Variants in TRPM1 observed in about 807,000 individuals in gnomAD.
TRPM1 encodes the protein transient receptor potential cation channel subfamily M member 1, also known as TRPM1-203 APA Isoform, Intron 10.
TRPM1 carries 113 observed loss-of-function variants against 149.4 expected under a neutral mutation model. The ratio of observed to expected loss-of-function variants is 0.76; its 90% confidence interval spans 0.65 to 0.88. TRPM1 has a LOEUF of 0.88. TRPM1 is among the 40% of genes least tolerant of loss of function. TRPM1 has a pLI of 0.00. For missense variants in TRPM1, 1,976 were observed against 2,038.7 expected (o/e 0.97, Z 0.59); for synonymous variants, 741 against 759.5 (o/e 0.98, Z 0.40).
In TRPM1 at chr15:31,042,380, C is replaced by T. The variant is rs567299421; in HGVS notation, c.1795-137G>A. On this transcript the variant is annotated intron_variant, in intron 16 of 27. Transcript: ENST00000256552. The stretch of plus-strand genomic sequence containing the variant: ...TGAAGTACATCTTACATTTCCACTC[C>T]GCATATGAATTCTTTTGAAAAGATG... 1.2e-4 allele frequency: 106 copies of T among 866,604 alleles called. No homozygotes were observed. The Admixed American group carries it at 1.3e-3, about 11-fold the overall frequency. 53.7% of individuals were successfully genotyped at this position (866,604 alleles called of 1,614,324 possible). A position where few individuals can be genotyped will look rare whatever the true frequency, so the allele number is the denominator to read the frequency against.
intron 1 of TRPM1, among the ~76,000 whole-genome samples, chr15:31,139,048 G>A (rs1312073676): frequency 1.3e-5 from 2 of 152,092 alleles, no homozygotes; most frequent in African/African-American, 4.8e-5. Flanking sequence ...AGACTCAAGT[G>A]CACTTCTTAC....
At chr15:31,054,948 C>A (rs748020767) in intron 11 of TRPM1, among the ~76,000 whole-genome samples, 10 of 152,190 alleles carry the variant, frequency 6.6e-5, no homozygotes, top group Non-Finnish European at 1.5e-4. Context: ...CACATCCTAG[C>A]TTCTGATAAC....
chr15:31,002,218 G>C lies in TRPM1; in HGVS notation c.4482C>G (p.Cys1494Trp), dbSNP rs1303595160. 6.2e-7 allele frequency: 1 copy of C among 1,614,212 alleles called. No homozygotes were observed. The highest frequency in any genetic ancestry group is 1.3e-5 in the African/African-American group (1 of 75,048). The change falls in exon 28 of 28, where the codon TGC (cysteine) becomes TGG (tryptophan). Residue 1494 changes from cysteine (C) to tryptophan (W), a missense_variant. Coordinates refer to ENST00000256552, the MANE Select transcript of TRPM1 (RefSeq NM_001252024.2). ...GAGAGCGCGTGATCTTTTGAACTTG[G>C]CATTGCCATTCCGTCGTCAATTGCT... ...TDQQLTTEWQ[C>W]QVQKITRSHS...
chr15:31,081,743 C>T (rs1386704226), intron 1 of TRPM1, among the ~76,000 whole-genome samples: 3 of 152,152 alleles, frequency 2.0e-5, no homozygotes, highest in Non-Finnish European at 4.4e-5. Flanking sequence ...CTCAACATCT[C>T]CTAATGACTC....
chr15:31,088,751 C>G (rs960383528), intron 1 of TRPM1, among the ~76,000 whole-genome samples: 4 of 149,456 alleles, frequency 2.7e-5, no homozygotes, highest in African/African-American at 9.8e-5. Context: ...TTCCTGCTAC[C>G]TGTGGGAACG....
rs537212137 is a variant in TRPM1, at chr15:31,047,666, C to T, written c.1623+223G>A. On this transcript the variant is annotated intron_variant, in intron 14 of 27. Transcript: ENST00000256552. ...CTGGCGCTGGCGTCAACCTATAATC[C>T]GGCTGTCACTGACAGTGTCCCTATC... Among the ~76,000 whole-genome samples the T allele has an allele frequency of 8.7e-4, 133 of 152,308 alleles. 1 individual carries two copies. The highest frequency in any genetic ancestry group is 3.2e-3 in the African/African-American group (131 of 41,566).
intron 1 of TRPM1, among the ~76,000 whole-genome samples, chr15:31,148,144 T>A (rs2036246830): frequency 6.6e-6 from 1 of 152,158 alleles, no homozygotes. Context: ...AATGTGTCCT[T>A]GTGGGGAATG....
intron 25 of TRPM1, among the ~76,000 whole-genome samples, chr15:31,027,367 C>T (rs2032822789): frequency 6.6e-6 from 1 of 152,216 alleles, no homozygotes. Flanking sequence ...TGAAAAACCA[C>T]ACCACAATCT....
intron 1 of TRPM1, among the ~76,000 whole-genome samples, chr15:31,123,890 G>T (rs1007134052): frequency 7.9e-6 from 1 of 126,122 alleles, no homozygotes; most frequent in Non-Finnish European, 1.7e-5. Flanking sequence ...GCACACAAAT[G>T]TCTATGACAG....
intron 1 of TRPM1, among the ~76,000 whole-genome samples, chr15:31,132,851 C>T (rs1431222538): frequency 3.3e-5 from 5 of 152,176 alleles, no homozygotes; most frequent in African/African-American, 1.2e-4. Flanking sequence ...AGGGCAGTTC[C>T]CCTGCACTCT....
chr15:31,106,297 C>T (rs1476158062), upstream of TRPM1, among the ~76,000 whole-genome samples: 1 of 146,776 alleles, frequency 6.8e-6, no homozygotes, highest in Non-Finnish European at 1.5e-5. Context: ...TGCCACCATG[C>T]CTGGCTAATT....
chr15:31,121,007 T>C (rs1186183182), intron 1 of TRPM1, among the ~76,000 whole-genome samples: 2 of 151,976 alleles, frequency 1.3e-5, no homozygotes, highest in Non-Finnish European at 2.9e-5. Context: ...GGTGGGCAGA[T>C]CACGAGGTCA....
chr15:31,023,937 CATTAGG>C (rs2032632921), intron 27 of TRPM1, among the ~76,000 whole-genome samples: 2 of 152,076 alleles, frequency 1.3e-5, no homozygotes, highest in African/African-American at 4.8e-5. Context: ...AATTTCCAAA[CATTAGG>C]AGAGAACCAT....
chr15:31,036,000 G>A (rs1254860906), intron 20 of TRPM1: 1 of 394,452 alleles, frequency 2.5e-6, no homozygotes, highest in Non-Finnish European at 4.8e-6. Flanking sequence ...TAGTTTGCTG[G>A]AGTGTCTTCT....
chr15:31,099,561 C>T (rs2035468533), intron 1 of TRPM1, among the ~76,000 whole-genome samples: 1 of 152,160 alleles, frequency 6.6e-6, no homozygotes, highest in Non-Finnish European at 1.5e-5. Flanking sequence ...GAAGATGACT[C>T]GCATCTTAAA....
intron 1 of TRPM1, 73 bp from the exon 2 acceptor site, chr15:31,081,511 T>A (rs527994834): frequency 1.4e-5 from 14 of 978,926 alleles, no homozygotes; most frequent in South Asian, 6.3e-5. Context: ...GATGAACAAA[T>A]CCTGCCCTCC....
intron 22 of TRPM1, among the ~76,000 whole-genome samples, chr15:31,031,955 C>G (rs763198150): frequency 6.6e-6 from 1 of 151,450 alleles, no homozygotes; most frequent in African/African-American, 2.4e-5. Flanking sequence ...GCCCTGGGCT[C>G]CCTTTGTCTC....
At chr15:31,117,425 G>T (rs1232640259) in intron 1 of TRPM1, among the ~76,000 whole-genome samples, 1 of 152,140 alleles carries the variant, frequency 6.6e-6, no homozygotes, top group African/African-American at 2.4e-5. Flanking sequence ...GGCAGAGGTT[G>T]CAGAGACCCG....
chr15:31,143,794 A>G (rs2036189447), intron 1 of TRPM1, among the ~76,000 whole-genome samples: 1 of 151,980 alleles, frequency 6.6e-6, no homozygotes, highest in Non-Finnish European at 1.5e-5. Context: ...TGTGAAGCAT[A>G]CTTTTGTAAA....
Sources: allele counts gnomAD v4.1 joint callset (sites outside exome capture counted in the v4.1 genomes callset), GRCh38; gene constraint gnomAD v4.1.1; transcripts MANE v1.5; gene names NCBI Gene and HGNC (gene_info 2026-07-23, HGNC 2026-07-21).